RAD51B: variants seen among roughly 807,000 people sequenced by gnomAD.
The protein encoded by RAD51B is RAD51 paralog B.
RAD51B carries 38 observed loss-of-function variants against 42.2 expected under a neutral mutation model. That is an observed-to-expected ratio of 0.90 (90% CI 0.70 to 1.18). The LOEUF (loss-of-function observed/expected upper bound fraction) is 1.18, where lower values mean the gene tolerates loss of function less well. RAD51B is among the 50% of genes most tolerant of loss of function. RAD51B has a pLI of 0.00. For synonymous variants in RAD51B, 154 were observed against 145.2 expected (o/e 1.06, Z -0.43); for missense variants, 373 against 400.7 (o/e 0.93, Z 0.59).
At chr14:68,597,758 A>G (rs1891061433), downstream of RAD51B, among the ~76,000 whole-genome samples, 1 of 151,276 alleles carries the variant, frequency 6.6e-6, no homozygotes. Flanking sequence ...AAGTTTACCT[A>G]TGTAACAAAC....
At chr14:68,326,335 C>T (rs924830142) in intron 8 of RAD51B, among the ~76,000 whole-genome samples, 3 of 152,036 alleles carry the variant, frequency 2.0e-5, no homozygotes, top group Non-Finnish European at 4.4e-5. Flanking sequence ...CCACCAAGCC[C>T]GGCCAATGTT....
At chr14:68,202,196 T>G (rs2079499792) in intron 7 of RAD51B, among the ~76,000 whole-genome samples, 1 of 152,222 alleles carries the variant, frequency 6.6e-6, no homozygotes. Flanking sequence ...TTCAGTGAGT[T>G]GTAATCTTTT....
At chr14:68,339,811 T>C (rs2082535170) in intron 8 of RAD51B, among the ~76,000 whole-genome samples, 1 of 152,186 alleles carries the variant, frequency 6.6e-6, no homozygotes, top group African/African-American at 2.4e-5. Context: ...CTCTCCTAAG[T>C]AGTAAAAGTT....
intron 8 of RAD51B, among the ~76,000 whole-genome samples, chr14:68,371,525 A>T (rs543622789): frequency 3.3e-5 from 5 of 151,856 alleles, no homozygotes; most frequent in Admixed American, 2.0e-4. Flanking sequence ...TGAAGAAAAA[A>T]AAAAGGGGTT....
At chr14:68,295,187 C>T (rs1310978051) in intron 8 of RAD51B, among the ~76,000 whole-genome samples, 2 of 152,154 alleles carry the variant, frequency 1.3e-5, no homozygotes, top group East Asian at 1.9e-4. Flanking sequence ...GTCCTTGGCC[C>T]TTGGGGTGTA....
chr14:68,611,927 C>T (rs933367499), downstream of RAD51B, among the ~76,000 whole-genome samples: 4 of 151,926 alleles, frequency 2.6e-5, no homozygotes, highest in Non-Finnish European at 4.4e-5. Context: ...TTCACCTGTA[C>T]GAAAACCAGT....
At chr14:68,116,442 C>A (rs1241436432) in intron 7 of RAD51B, among the ~76,000 whole-genome samples, 1 of 151,192 alleles carries the variant, frequency 6.6e-6, no homozygotes, top group African/African-American at 2.4e-5. Context: ...GTGATTCATT[C>A]AAAAAATGTA....
At chr14:68,394,569 C>G (rs764871430) in intron 8 of RAD51B, among the ~76,000 whole-genome samples, 1 of 152,264 alleles carries the variant, frequency 6.6e-6, no homozygotes, top group Non-Finnish European at 1.5e-5. Context: ...GTTTCCTTGG[C>G]AGGATTCTCT....
intron 10 of RAD51B, among the ~76,000 whole-genome samples, chr14:68,506,636 T>A (rs1885345602): frequency 6.6e-6 from 1 of 152,182 alleles, no homozygotes; most frequent in Non-Finnish European, 1.5e-5. Flanking sequence ...AAGTTCTGCA[T>A]GTGTCCGAGG....
intron 10 of RAD51B, among the ~76,000 whole-genome samples, chr14:68,636,811 G>A (rs1267769579): frequency 6.6e-6 from 1 of 152,154 alleles, no homozygotes; most frequent in Non-Finnish European, 1.5e-5. Context: ...AGAGCAGGCT[G>A]GGAGGGGAGT....
chr14:68,586,241 G>A (rs960663138), intron 10 of RAD51B, among the ~76,000 whole-genome samples: 1 of 152,182 alleles, frequency 6.6e-6, no homozygotes, highest in African/African-American at 2.4e-5. Flanking sequence ...TGAGCCTCAA[G>A]TAACCCGATG....
intron 7 of RAD51B, among the ~76,000 whole-genome samples, chr14:67,913,016 G>A (rs553463788): frequency 4.6e-5 from 7 of 152,040 alleles, no homozygotes; most frequent in African/African-American, 1.7e-4. Context: ...ACTTCTCTAG[G>A]TTTTTAAGCT....
At chr14:67,886,021 T>C in intron 6 of RAD51B, 33 bp downstream of exon 6, 2 of 1,492,542 alleles carry the variant, frequency 1.3e-6, no homozygotes, top group East Asian at 2.3e-5. Context: ...TTTTTAGTAA[T>C]GCGTTGAAGG....
intron 7 of RAD51B, among the ~76,000 whole-genome samples, chr14:68,072,103 A>AATATATATAAATATAT (rs1566623086): frequency 7.6e-6 from 1 of 131,952 alleles, no homozygotes; most frequent in African/African-American, 3.0e-5. Flanking sequence ...ATAATATATA[A>AATATATATAAATATAT]AATATAAAAA....
intron 8 of RAD51B, among the ~76,000 whole-genome samples, chr14:68,343,242 T>C (rs1034360882): frequency 2.4e-4 from 36 of 152,344 alleles, no homozygotes; most frequent in East Asian, 5.8e-4. Flanking sequence ...ATATTTTGGA[T>C]ATTAAACCCT....
intron 3 of RAD51B, among the ~76,000 whole-genome samples, chr14:67,827,492 G>C (rs1403870765): frequency 6.6e-6 from 1 of 150,726 alleles, no homozygotes; most frequent in Non-Finnish European, 1.5e-5. Flanking sequence ...TTTATTGTAA[G>C]TTCCGGGGTA....
chr14:68,472,713 G>A (rs1291266348), intron 10 of RAD51B, among the ~76,000 whole-genome samples: 1 of 152,182 alleles, frequency 6.6e-6, no homozygotes, highest in Non-Finnish European at 1.5e-5. Flanking sequence ...TTGAATGAGC[G>A]GGAGCTGGGG....
intron 9 of RAD51B, among the ~76,000 whole-genome samples, chr14:68,447,678 T>A (rs760700336): frequency 3.3e-5 from 5 of 152,150 alleles, no homozygotes; most frequent in Non-Finnish European, 5.9e-5. Context: ...AATATTAACT[T>A]AAAAGCAATT....
At chr14:68,446,040 T>C (rs2085412607) in intron 9 of RAD51B, among the ~76,000 whole-genome samples, 2 of 152,224 alleles carry the variant, frequency 1.3e-5, no homozygotes, top group Non-Finnish European at 2.9e-5. Context: ...TCCTACCCAT[T>C]TCTACTGTAT....
Sources: gnomAD v4.1 joint callset for allele counts (sites outside exome capture counted in the v4.1 genomes callset) on GRCh38, gnomAD v4.1.1 for gene constraint, MANE v1.5 for transcripts, NCBI Gene and HGNC (gene_info 2026-07-23, HGNC 2026-07-21) for gene names.